The following OGG1 variants were observed in gnomAD, a reference collection of about 807,000 sequenced individuals.
OGG1 encodes the protein N-glycosylase/DNA lyase.
In OGG1, 35 loss-of-function variants were observed where a neutral mutation model predicts 42.3. The ratio of observed to expected loss-of-function variants is 0.83; its 90% confidence interval spans 0.63 to 1.10. The LOEUF (loss-of-function observed/expected upper bound fraction) is 1.10, where lower values mean the gene tolerates loss of function less well. Ranked by LOEUF, OGG1 falls within the 50% of genes least tolerant of loss-of-function variation. The pLI, the probability that OGG1 is intolerant of heterozygous loss-of-function variation, is 0.00. For synonymous variants in OGG1, 189 were observed against 179.0 expected, an observed-to-expected ratio of 1.06 and a Z score of -0.44; for missense variants, 484 against 446.7, an observed-to-expected ratio of 1.08 and a Z score of -0.75.
chr3:9,750,559 A>G (rs1216669414), intron 1 of OGG1, 136 bp downstream of exon 1: 3 of 1,207,176 alleles, frequency 2.5e-6, no homozygotes, highest in African/African-American at 3.0e-5. Flanking sequence ...AAGCACGGGT[A>G]GCCAACCTGT....
chr3:9,780,935 T>TC (rs1372548258), intron 2 of OGG1, among the ~76,000 whole-genome samples: 1 of 152,130 alleles, frequency 6.6e-6, no homozygotes, highest in Admixed American at 6.5e-5. Context: ...GCCCAGGAGT[T>TC]CGAGACCAGT....
exon 8 of OGG1, chr3:9,765,949 C>G (rs2078133577): frequency 6.2e-7 from 1 of 1,614,098 alleles, no homozygotes; most frequent in Non-Finnish European, 8.5e-7. Context: ...CCTCCAGCCT[C>G]TCCTCCATTC....
chr3:9,769,387 A>T (rs1270737667), downstream of OGG1, among the ~76,000 whole-genome samples: 1 of 152,062 alleles, frequency 6.6e-6, no homozygotes, highest in Admixed American at 6.5e-5. Flanking sequence ...ACACAATTGT[A>T]CACCCCCTCC....
At chr3:9,767,764 C>T (rs746266424), downstream of OGG1, 10 of 1,613,768 alleles carry the variant, frequency 6.2e-6, no homozygotes, top group African/African-American at 1.3e-5. Flanking sequence ...CACTGCCCCC[C>T]GACCACAGCC....
intron 3 of OGG1, chr3:9,787,118 G>C (rs1245152880): frequency 6.2e-7 from 1 of 1,614,218 alleles, no homozygotes; most frequent in Non-Finnish European, 8.5e-7. Context: ...ATCTAAGCGG[G>C]CACAGGAAAG....
chr3:9,751,849 C>T lies in OGG1; in HGVS notation c.465C>T (p.Ile155=), dbSNP rs777493798. The T allele has an allele frequency of 3.1e-6, 5 of 1,614,074 alleles. No individual in the cohort carries two copies. The African/African-American group carries it at 5.3e-5, about 17-fold the overall frequency. ...CCTCCAACAACAACATCGCCCGCAT[C>T]ACTGGCATGGTGGAGCGGCTGTGCC... ...ICSSNNNIAR[I]TGMVERLCQA... The change falls in exon 3 of 7, where the codon ATC becomes ATT. Residue 155 remains isoleucine, a synonymous_variant. Coordinates refer to ENST00000344629, the MANE Select transcript of OGG1 (RefSeq NM_002542.6).
At chr3:9,784,392 C>T (rs1406488124) in intron 3 of OGG1, among the ~76,000 whole-genome samples, 1 of 152,076 alleles carries the variant, frequency 6.6e-6, no homozygotes, top group Non-Finnish European at 1.5e-5. Flanking sequence ...TTAAAACAAG[C>T]AACGTATGTA....
At position 9,750,254 on chromosome 3, in the gene OGG1, C is replaced by T; in HGVS notation, c.-33C>T. 3 of 1,595,210 alleles carry T rather than the reference C, an allele frequency of 1.9e-6. No individual in the cohort carries two copies. The highest frequency in any genetic ancestry group is 1.7e-6 in the Non-Finnish European group (2 of 1,170,556). The stretch of plus-strand genomic sequence containing the variant: ...TCGACGAGGCCTGGTTCTGGGTAGG[C>T]GGGGCTACTACGGGGCGGTGCCTGC... On this transcript the variant is annotated 5_prime_UTR_variant, in exon 1 of 7. Transcript: ENST00000344629.
At chr3:9,769,894 C>G (rs2078264709), downstream of OGG1, 1 of 152,174 alleles carries the variant, frequency 6.6e-6, no homozygotes, top group African/African-American at 2.4e-5. Context: ...GAGCTGTGGC[C>G]GCGGTCCTCA....
At chr3:9,754,917 C>T in intron 4 of OGG1, 32 bp downstream of exon 4, 12 of 1,538,602 alleles carry the variant, frequency 7.8e-6, no homozygotes, top group Non-Finnish European at 1.1e-5. Context: ...GCTGCCCTCT[C>T]TACTGACACT....
downstream of OGG1, among the ~76,000 whole-genome samples, chr3:9,769,531 A>G (rs1355430356): frequency 6.6e-6 from 1 of 151,740 alleles, no homozygotes; most frequent in Non-Finnish European, 1.5e-5. Flanking sequence ...AAGACAGTAC[A>G]CTCCGCAAGC....
At chr3:9,761,885 A>G (rs2125578938), downstream of OGG1, 4 of 1,419,006 alleles carry the variant, frequency 2.8e-6, no homozygotes, top group Non-Finnish European at 3.7e-6. Context: ...CATGGCTGTC[A>G]TAAGAAAATC....
downstream of OGG1, chr3:9,789,856 T>G (rs1409232331): frequency 6.2e-7 from 1 of 1,614,254 alleles, no homozygotes; most frequent in South Asian, 1.1e-5. Context: ...TCCCTTCCAG[T>G]TTCTGCTTCT....
Position 9,756,552 on chromosome 3 carries a change from C to G in OGG1, c.829C>G (p.Arg277Gly). The G allele has an allele frequency of 6.2e-7, 1 of 1,614,158 alleles. No individual in the cohort carries two copies. Among genetic ancestry groups the G allele is most frequent in the Non-Finnish European group, 8.5e-7 (1 of 1,180,026 alleles). ...TGTCCATATGTGGCACATTGCCCAA[C>G]GTGACTACAGCTGGCACCCTACCAC... Reference protein sequence around the residue: ...VDVHMWHIAQRDYSWHPTTSQ... With the variant: ...VDVHMWHIAQGDYSWHPTTSQ... The change falls in exon 5 of 7, where the codon CGT becomes GGT. Residue 277 changes from arginine to glycine, a missense_variant. Coordinates refer to ENST00000344629, the MANE Select transcript of OGG1 (RefSeq NM_002542.6).
chr3:9,766,496 A>G (rs1186965589), exon 8 of OGG1: 4 of 420,282 alleles, frequency 9.5e-6, no homozygotes, highest in East Asian at 1.4e-4. Context: ...AAAGAAAAAA[A>G]AAAGAAATGC....
At chr3:9,750,672 C>T in intron 1 of OGG1, 1 of 695,860 alleles carries the variant, frequency 1.4e-6, no homozygotes, top group Non-Finnish European at 2.4e-6. Flanking sequence ...CAGGGTCTCG[C>T]TCTGTTGCCC....
At chr3:9,759,770 G>A, downstream of OGG1, 1 of 1,614,092 alleles carries the variant, frequency 6.2e-7, no homozygotes, top group Non-Finnish European at 8.5e-7. Flanking sequence ...CAAGACAAAA[G>A]CAAAGATAAT....
downstream of OGG1, chr3:9,759,144 A>C: frequency 6.8e-7 from 1 of 1,463,698 alleles, no homozygotes; most frequent in Non-Finnish European, 9.6e-7. Flanking sequence ...ATGGCTATAG[A>C]CATTATTCCG....
At chr3:9,790,022 C>A, downstream of OGG1, 1 of 1,515,208 alleles carries the variant, frequency 6.6e-7, no homozygotes. Context: ...ATATCTCTTT[C>A]CTCTAGTGAA....
Sources: allele counts gnomAD v4.1 joint callset (sites outside exome capture counted in the v4.1 genomes callset), GRCh38; gene constraint gnomAD v4.1.1; transcripts MANE v1.5; gene names NCBI Gene and HGNC (gene_info 2026-07-23, HGNC 2026-07-21).